Variants in CACNA2D3 observed in about 807,000 individuals in gnomAD.
The protein encoded by CACNA2D3 is calcium voltage-gated channel auxiliary subunit alpha2delta 3.
In CACNA2D3, 60 loss-of-function variants were observed where a neutral mutation model predicts 160.6. The ratio of observed to expected loss-of-function variants is 0.37; its 90% CI spans 0.30 to 0.46. The LOEUF is 0.46. Ranked by LOEUF, CACNA2D3 falls within the 20% of genes least tolerant of loss-of-function variation. The pLI, the probability that CACNA2D3 is intolerant of heterozygous loss-of-function variation, is 1.00. For missense variants in CACNA2D3, 1,205 were observed against 1,365.0 expected, an observed-to-expected ratio of 0.88 and a Z score of 1.85; for synonymous variants, 558 against 492.9, an observed-to-expected ratio of 1.13 and a Z score of -1.75.
At chr3:54,305,395 A>G (rs1192127978) in intron 2 of CACNA2D3, among the ~76,000 whole-genome samples, 2 of 152,246 alleles carry the variant, frequency 1.3e-5, no homozygotes, top group Admixed American at 6.5e-5. Flanking sequence ...TCCATTTGAG[A>G]AATCATCATT....
chr3:54,847,535 G>A (rs6445707), intron 17 of CACNA2D3, among the ~76,000 whole-genome samples: 18,628 of 152,276 alleles, frequency 0.12, 1,460 homozygotes, highest in East Asian at 0.18. Flanking sequence ...AACAGTTCAT[G>A]TGAGAGCTCC....
At chr3:54,720,857 A>G (rs1701155599) in intron 11 of CACNA2D3, among the ~76,000 whole-genome samples, 1 of 152,166 alleles carries the variant, frequency 6.6e-6, no homozygotes, top group Non-Finnish European at 1.5e-5. Flanking sequence ...AGTATCACTT[A>G]TAATTACATT....
At position 54,363,187 on chromosome 3, in the gene CACNA2D3, C is replaced by T. The variant is rs148129497; in HGVS notation, c.322-23528C>T. On this transcript the variant is annotated intron_variant, in intron 3 of 37. Transcript: ENST00000474759. Reference sequence around the variant, plus strand: ...TCCAGCCTAGCGATAGAGCGAGACTCCATCTCCAAATATATATATATGAGA... The same window carrying T: ...TCCAGCCTAGCGATAGAGCGAGACTTCATCTCCAAATATATATATATGAGA... 4.0e-4 allele frequency among the ~76,000 whole-genome samples: 60 copies of T among 150,278 alleles called. No homozygotes were observed. In the East Asian group the frequency reaches 0.011, roughly 28 times the overall value.
intron 5 of CACNA2D3, among the ~76,000 whole-genome samples, chr3:54,513,484 C>T (rs116612661): frequency 6.4e-4 from 98 of 152,238 alleles, no homozygotes; most frequent in African/African-American, 2.1e-3. Context: ...TACTAATTCC[C>T]ACTTTAGAGG....
chr3:54,944,127 G>A (rs1405014419), intron 27 of CACNA2D3, among the ~76,000 whole-genome samples: 1 of 151,982 alleles, frequency 6.6e-6, no homozygotes, highest in Non-Finnish European at 1.5e-5. Context: ...ATATCCTTTG[G>A]TAGGAACAGG....
Position 54,542,091 on chromosome 3 carries a change from C to T in CACNA2D3, c.545-20709C>T, listed in dbSNP as rs577667773. ...TTGTTTTTGTTTTTTGAGACAGAGT[C>T]TCACTCTGTCTCCAGGCTGGAGTGC... On this transcript the variant is annotated intron_variant, in intron 5 of 37. Transcript: ENST00000474759. Among the ~76,000 whole-genome samples, 4 of 151,892 alleles carry T rather than the reference C, an allele frequency of 2.6e-5. 1 individual carries two copies. Among genetic ancestry groups the T allele is most frequent in the African/African-American group, 9.7e-5 (4 of 41,434 alleles).
At chr3:54,490,140 A>G (rs1366199002) in intron 4 of CACNA2D3, among the ~76,000 whole-genome samples, 1 of 152,218 alleles carries the variant, frequency 6.6e-6, no homozygotes, top group Admixed American at 6.5e-5. Flanking sequence ...AGAGCTGGGA[A>G]GAAGAAAACA....
At chr3:54,197,412 GTCC>G (rs1326491422) in intron 2 of CACNA2D3, 1 of 152,248 alleles carries the variant, frequency 6.6e-6, no homozygotes, top group African/African-American at 2.4e-5. Flanking sequence ...CCTACTTCAA[GTCC>G]TCCTCTCCTT....
chr3:54,796,577 C>T (rs1327573231), intron 13 of CACNA2D3, among the ~76,000 whole-genome samples: 2 of 152,130 alleles, frequency 1.3e-5, no homozygotes, highest in Non-Finnish European at 2.9e-5. Context: ...CATAAATTTT[C>T]CCAAGAAAAG....
At chr3:54,385,776 G>A (rs1699177159) in intron 3 of CACNA2D3, 1 of 389,280 alleles carries the variant, frequency 2.6e-6, no homozygotes, top group Non-Finnish European at 4.9e-6. Flanking sequence ...TTAAACTCAG[G>A]CCTATATTAT....
intron 11 of CACNA2D3, among the ~76,000 whole-genome samples, chr3:54,671,015 C>G (rs147825355): frequency 1.4e-3 from 209 of 152,076 alleles, no homozygotes; most frequent in African/African-American, 4.7e-3. Flanking sequence ...ATTTTTTGAG[C>G]TAGGAAATCA....
intron 13 of CACNA2D3, among the ~76,000 whole-genome samples, chr3:54,794,656 T>A (rs1575478849): frequency 6.6e-6 from 1 of 151,376 alleles, no homozygotes; most frequent in Admixed American, 6.6e-5. Flanking sequence ...TCTTTTAGAG[T>A]GTTATTTTCA....
chr3:54,523,163 T>C (rs908228850), intron 5 of CACNA2D3, among the ~76,000 whole-genome samples: 3 of 152,300 alleles, frequency 2.0e-5, no homozygotes, highest in African/African-American at 7.2e-5. Context: ...TTAAGTGGGA[T>C]GTTATTATTA....
intron 2 of CACNA2D3, among the ~76,000 whole-genome samples, chr3:54,299,871 C>T (rs76585973): frequency 0.023 from 3,486 of 152,234 alleles, 129 homozygotes; most frequent in African/African-American, 0.078. Context: ...AACCTGTAAG[C>T]GTTTTGTTGC....
chr3:54,885,444 G>A (rs748333660), intron 22 of CACNA2D3, 45 bp from the exon 23 acceptor site: 3 of 1,599,688 alleles, frequency 1.9e-6, no homozygotes, highest in Admixed American at 3.3e-5. Flanking sequence ...AGCAGATGCT[G>A]TAAATATTGA....
chr3:54,921,283 C>T lies in CACNA2D3; in HGVS notation c.2449+21415C>T, dbSNP rs80176782. Among the ~76,000 whole-genome samples the T allele has an allele frequency of 5.1e-4, 78 of 152,260 alleles. No homozygotes were observed. The East Asian group carries it at 0.015, about 28-fold the overall frequency. ...AAACTCCCTTGACCACGTTGTGCCTCTGCTTGCTCATCTGGAAAGTGGGAG... is the reference window on the plus strand; with the variant it reads ...AAACTCCCTTGACCACGTTGTGCCTTTGCTTGCTCATCTGGAAAGTGGGAG... On this transcript the variant is annotated intron_variant, in intron 27 of 37. Coordinates refer to ENST00000474759, the MANE Select transcript of CACNA2D3 (RefSeq NM_018398.3).
At chr3:54,195,307 G>C (rs549341390) in intron 2 of CACNA2D3, among the ~76,000 whole-genome samples, 1 of 152,108 alleles carries the variant, frequency 6.6e-6, no homozygotes, top group Non-Finnish European at 1.5e-5. Context: ...TTATTTCTGC[G>C]TCTGTGCCTT....
At position 54,123,508 on chromosome 3, in the gene CACNA2D3, T is replaced by C; in HGVS notation, c.123-5T>C. 6.2e-7 allele frequency: 1 copy of C among 1,612,592 alleles called. No homozygotes were observed. The highest frequency in any genetic ancestry group is 8.5e-7 in the Non-Finnish European group (1 of 1,178,626). On this transcript the variant is annotated splice_polypyrimidine_tract_variant and splice_region_variant and intron_variant, in intron 1 of 37. Coordinates refer to ENST00000474759, the MANE Select transcript of CACNA2D3 (RefSeq NM_018398.3). ...CATATCTTCCTGTGCCCCTTCTCCCTGTAGGGTGAAGCTCTGGGCCTCGGC... is the reference window on the plus strand; with the variant it reads ...CATATCTTCCTGTGCCCCTTCTCCCCGTAGGGTGAAGCTCTGGGCCTCGGC...
intron 5 of CACNA2D3, among the ~76,000 whole-genome samples, chr3:54,523,834 A>G (rs979904482): frequency 6.6e-6 from 1 of 151,962 alleles, no homozygotes. Context: ...TTATTTCTGT[A>G]AAGTTGTTAG....
Sources: allele counts gnomAD v4.1 joint callset (sites outside exome capture counted in the v4.1 genomes callset), GRCh38; gene constraint gnomAD v4.1.1; transcripts MANE v1.5; gene names NCBI Gene and HGNC (gene_info 2026-07-23, HGNC 2026-07-21).